The following SORCS2 variants were observed in gnomAD, a reference collection of about 807,000 sequenced individuals.
The protein encoded by SORCS2 is VPS10 domain-containing receptor SorCS2.
A neutral mutation model predicts 141.6 loss-of-function variants in SORCS2; 100 were observed. The observed-to-expected ratio is 0.71, with a 90% CI of 0.60 to 0.83. The LOEUF (loss-of-function observed/expected upper bound fraction) is 0.83. SORCS2 is among the 40% of genes least tolerant of loss of function. The probability of loss-of-function intolerance (pLI) is 0.00; values close to 1 mark genes in which losing one functional copy is unlikely to be tolerated. For synonymous variants in SORCS2, 789 were observed against 676.9 expected (o/e 1.17, Z -2.57); for missense variants, 1,646 against 1,560.2 (o/e 1.05, Z -0.93).
chr4:7,242,840 C>T (rs933060828), intron 1 of SORCS2, among the ~76,000 whole-genome samples: 2 of 152,226 alleles, frequency 1.3e-5, no homozygotes, highest in African/African-American at 2.4e-5. Context: ...CCCAGCTTGT[C>T]GCCTGCAGTG....
At chr4:7,455,208 T>G (rs1254711970) in intron 2 of SORCS2, among the ~76,000 whole-genome samples, 1 of 29,572 alleles carries the variant, frequency 3.4e-5, no homozygotes, top group African/African-American at 1.5e-4. Flanking sequence ...GGGGTCAGGC[T>G]CTGTGTTGGG....
chr4:7,400,928 T>G (rs1313591945), intron 2 of SORCS2, among the ~76,000 whole-genome samples: 4 of 150,854 alleles, frequency 2.7e-5, no homozygotes, highest in Non-Finnish European at 4.4e-5. Context: ...AATGGAGAGA[T>G]GGATGAATGG....
At chr4:7,455,818 G>A (rs913256675) in intron 2 of SORCS2, among the ~76,000 whole-genome samples, 3 of 152,196 alleles carry the variant, frequency 2.0e-5, no homozygotes, top group Non-Finnish European at 2.9e-5. Context: ...GTCAGGCTCT[G>A]TGTTGGGGTC....
intron 2 of SORCS2, among the ~76,000 whole-genome samples, chr4:7,398,255 A>T (rs1380178617): frequency 6.6e-6 from 1 of 152,210 alleles, no homozygotes; most frequent in Non-Finnish European, 1.5e-5. Flanking sequence ...AGCAGGTGGC[A>T]GCAGAGAGGC....
intron 3 of SORCS2, among the ~76,000 whole-genome samples, chr4:7,600,932 C>G (rs575346325): frequency 7.6e-4 from 116 of 152,304 alleles, no homozygotes; most frequent in African/African-American, 2.7e-3. Flanking sequence ...ACAGCCCAGG[C>G]TGGTGGGCAA....
chr4:7,532,205 C>T (rs1250021152), intron 3 of SORCS2, among the ~76,000 whole-genome samples: 1 of 152,176 alleles, frequency 6.6e-6, no homozygotes, highest in East Asian at 1.9e-4. Context: ...TGTCCTGGCC[C>T]ACCCCCTGAG....
chr4:7,561,479 C>T (rs1714551467), intron 3 of SORCS2, among the ~76,000 whole-genome samples: 1 of 98,346 alleles, frequency 1.0e-5, no homozygotes, highest in Non-Finnish European at 2.1e-5. Context: ...CATCCATCTA[C>T]CTGTCCATCC....
chr4:7,400,920 T>A (rs943485649), intron 2 of SORCS2, among the ~76,000 whole-genome samples: 9 of 151,052 alleles, frequency 6.0e-5, no homozygotes, highest in African/African-American at 2.2e-4. Flanking sequence ...GATAGATGAA[T>A]GGAGAGATGG....
intron 2 of SORCS2, among the ~76,000 whole-genome samples, chr4:7,418,702 ACC>A (rs67571622): frequency 2.0e-4 from 19 of 95,646 alleles, no homozygotes; most frequent in African/African-American, 7.2e-4. Context: ...GTAACAAATG[ACC>A]CCCCCCCCCA....
chr4:7,560,092 C>T (rs1379124190), intron 3 of SORCS2, among the ~76,000 whole-genome samples: 2 of 152,238 alleles, frequency 1.3e-5, no homozygotes, highest in Admixed American at 6.5e-5. Flanking sequence ...AACAAATGCT[C>T]ACATCCTCGC....
At chr4:7,680,415 T>A (rs1174153499) in intron 9 of SORCS2, among the ~76,000 whole-genome samples, 1 of 152,228 alleles carries the variant, frequency 6.6e-6, no homozygotes, top group Non-Finnish European at 1.5e-5. Flanking sequence ...GGCCTGCTCT[T>A]GGTACCACAT....
At chr4:7,470,395 A>G (rs1577617505) in intron 2 of SORCS2, among the ~76,000 whole-genome samples, 1 of 148,858 alleles carries the variant, frequency 6.7e-6, no homozygotes, top group South Asian at 2.1e-4. Context: ...CTATCCTTCC[A>G]TCCATCCATC....
chr4:7,707,888 A>G (rs1017576693), intron 14 of SORCS2, among the ~76,000 whole-genome samples: 2 of 152,100 alleles, frequency 1.3e-5, no homozygotes, highest in Non-Finnish European at 2.9e-5. Context: ...CATCACCCCC[A>G]GGACCAGGGC....
intron 1 of SORCS2, among the ~76,000 whole-genome samples, chr4:7,216,698 T>A (rs1274989450): frequency 6.6e-6 from 1 of 152,142 alleles, no homozygotes; most frequent in African/African-American, 2.4e-5. Context: ...AGGACCCTCC[T>A]AATGACTTTA....
chr4:7,631,646 C>T lies in SORCS2; in HGVS notation c.649-6682C>T, dbSNP rs531964632. ...ATGTTTCTGTCTGCTGTGACCCCCC[C>T]GGGGGGGCAGAAATCCCATGGGGTT... is the stretch of plus-strand genomic sequence containing the variant. On this transcript the variant is annotated intron_variant, in intron 3 of 26. Coordinates refer to ENST00000507866, the MANE Select transcript of SORCS2 (RefSeq NM_020777.3). Among the ~76,000 whole-genome samples the T allele has an allele frequency of 2.4e-3, 371 of 152,062 alleles. 1 individual carries two copies. The highest frequency in any genetic ancestry group is 4.2e-3 in the Non-Finnish European group (285 of 67,948).
At chr4:7,343,963 G>A (rs1720513796) in intron 1 of SORCS2, among the ~76,000 whole-genome samples, 2 of 152,194 alleles carry the variant, frequency 1.3e-5, no homozygotes, top group Non-Finnish European at 1.5e-5. Flanking sequence ...CCTGTAAGGC[G>A]TGGCCATGAT....
chr4:7,538,780 G>A (rs915809919), intron 3 of SORCS2, among the ~76,000 whole-genome samples: 1 of 152,156 alleles, frequency 6.6e-6, no homozygotes, highest in East Asian at 1.9e-4. Flanking sequence ...CCGCTCACTC[G>A]CCCGTGTCTT....
chr4:7,575,684 C>G (rs1337663198), intron 3 of SORCS2, among the ~76,000 whole-genome samples: 1 of 152,220 alleles, frequency 6.6e-6, no homozygotes, highest in Non-Finnish European at 1.5e-5. Flanking sequence ...CCACACGTGG[C>G]TGGGAGCCGC....
At chr4:7,531,371 C>T (rs879408772) in intron 2 of SORCS2, among the ~76,000 whole-genome samples, 159 bp from the exon 3 acceptor site, 4 of 152,220 alleles carry the variant, frequency 2.6e-5, no homozygotes, top group East Asian at 1.9e-4. Flanking sequence ...CCTGCCTTGT[C>T]GGCATACACT....
Sources: gnomAD v4.1 joint callset for allele counts (sites outside exome capture counted in the v4.1 genomes callset) on GRCh38, gnomAD v4.1.1 for gene constraint, MANE v1.5 for transcripts, NCBI Gene and HGNC (gene_info 2026-07-23, HGNC 2026-07-21) for gene names.